The following SH2B2 variants were observed in gnomAD, a reference collection of about 807,000 sequenced individuals.
The protein encoded by SH2B2 is SH2B adapter protein 2.
SH2B2 carries 37 observed loss-of-function variants against 35.7 expected under a neutral mutation model. The ratio of observed to expected loss-of-function variants is 1.04; its 90% CI spans 0.80 to 1.36. The LOEUF is 1.36. SH2B2 is among the 40% of genes most tolerant of loss of function. The probability of loss-of-function intolerance (pLI) is 0.00; values close to 1 mark genes in which losing one functional copy is unlikely to be tolerated. For synonymous variants in SH2B2, 383 were observed against 376.4 expected (o/e 1.02, Z -0.20); for missense variants, 852 against 817.7 (o/e 1.04, Z -0.51).
intron 6 of SH2B2, among the ~76,000 whole-genome samples, chr7:102,315,392 G>A (rs541297933): frequency 1.2e-4 from 18 of 151,778 alleles, no homozygotes; most frequent in Admixed American, 2.6e-4. Flanking sequence ...GTGCAGTGGC[G>A]GATCACAACT....
intron 4 of SH2B2, among the ~76,000 whole-genome samples, chr7:102,310,511 G>A (rs1323099466): frequency 6.6e-6 from 1 of 152,094 alleles, no homozygotes; most frequent in Non-Finnish European, 1.5e-5. Flanking sequence ...AACAGGAAGA[G>A]CAGCAAGAAG....
At chr7:102,289,783 G>C (rs1586561551) in intron 1 of SH2B2, among the ~76,000 whole-genome samples, 1 of 152,084 alleles carries the variant, frequency 6.6e-6, no homozygotes, top group South Asian at 2.1e-4. Context: ...TATGACACTG[G>C]GGGAGTGGAA....
At chr7:102,292,306 G>A (rs561616182) in intron 1 of SH2B2, among the ~76,000 whole-genome samples, 7 of 152,212 alleles carry the variant, frequency 4.6e-5, no homozygotes, top group African/African-American at 7.2e-5. Flanking sequence ...TGAGGTGGGC[G>A]GATCACCTGA....
At chr7:102,290,364 A>G (rs1792631196) in intron 1 of SH2B2, among the ~76,000 whole-genome samples, 1 of 150,114 alleles carries the variant, frequency 6.7e-6, no homozygotes. Context: ...TCTGGGGTTC[A>G]AGCAATTCTC....
chr7:102,300,938 C>A lies in SH2B2; in HGVS notation c.388C>A (p.Arg130Ser), dbSNP rs782047374. The change falls in exon 2 of 9, where the codon CGC (arginine) becomes AGC (serine). Residue 130 changes from arginine (R) to serine (S), a missense_variant. By Grantham distance (110) the Arg-to-Ser change is moderately radical. Coordinates refer to ENST00000444095, the MANE Select transcript of SH2B2 (RefSeq NM_001359228.2). ...DVSTHAATKARVRKGFSLRNM... is the reference protein window; with the variant it reads ...DVSTHAATKASVRKGFSLRNM... The stretch of plus-strand genomic sequence containing the variant: ...GTCCACGCACGCGGCCACCAAGGCC[C>A]GCGTTCGCAAGGGCTTCTCGCTGCG... The A allele has an allele frequency of 2.7e-6, 4 of 1,487,586 alleles. No homozygotes were observed. Among genetic ancestry groups the A allele is most frequent in the Non-Finnish European group, 3.6e-6 (4 of 1,122,278 alleles). 92.1% of individuals were successfully genotyped at this position (1,487,586 alleles called of 1,614,324 possible).
chr7:102,290,608 G>C (rs373013148), intron 1 of SH2B2, among the ~76,000 whole-genome samples: 1 of 152,170 alleles, frequency 6.6e-6, no homozygotes, highest in Non-Finnish European at 1.5e-5. Context: ...CCCACCTGGC[G>C]TCTGACACAC....
chr7:102,292,401 C>T (rs547091718), intron 1 of SH2B2, among the ~76,000 whole-genome samples: 1 of 152,036 alleles, frequency 6.6e-6, no homozygotes, highest in Admixed American at 6.5e-5. Flanking sequence ...CTTGGTAGGA[C>T]GCACCTATAG....
chr7:102,320,239 G>C lies in SH2B2; in HGVS notation c.1396-92G>C. The C allele has an allele frequency of 2.7e-6, 3 of 1,094,772 alleles. No individual in the cohort carries two copies. In the South Asian group the frequency reaches 4.1e-5, roughly 15 times the overall value. The allele number at this position is 1,094,772 out of a possible 1,614,324, so 67.8% of individuals were successfully genotyped here. A position where few individuals can be genotyped will look rare whatever the true frequency, so the allele number is the denominator to read the frequency against. ...CCTGACACAGCCCCATACAGCCCCT[G>C]TGAGCCTTGGTCCTTCCATCAACCC... On this transcript the variant is annotated intron_variant, in intron 7 of 8. Transcript: ENST00000444095.
At chr7:102,311,122 G>A (rs1554555962) in intron 4 of SH2B2, among the ~76,000 whole-genome samples, 1 of 152,108 alleles carries the variant, frequency 6.6e-6, no homozygotes, top group Non-Finnish European at 1.5e-5. Flanking sequence ...GTAAGGTCTT[G>A]CTCTGTCACC....
At chr7:102,315,744 G>GAAGAAAAAAAAA (rs1793802959) in intron 6 of SH2B2, among the ~76,000 whole-genome samples, 1 of 90,584 alleles carries the variant, frequency 1.1e-5, no homozygotes, top group Non-Finnish European at 1.9e-5. Context: ...CCTGTGAAAA[G>GAAGAAAAAAAAA]AAAAAAAAAA....
At chr7:102,309,487 A>T in intron 4 of SH2B2, 1 of 311,678 alleles carries the variant, frequency 3.2e-6, no homozygotes. Context: ...CAGCCTCCTA[A>T]GTAGCTGTGA....
chr7:102,293,363 G>T (rs1405453910), intron 1 of SH2B2, among the ~76,000 whole-genome samples: 3 of 151,688 alleles, frequency 2.0e-5, no homozygotes, highest in Admixed American at 6.6e-5. Flanking sequence ...AGAGGCCGTG[G>T]CCTGGAAAGG....
intron 2 of SH2B2, among the ~76,000 whole-genome samples, chr7:102,302,963 G>C (rs1674368195): frequency 6.6e-6 from 1 of 152,182 alleles, no homozygotes; most frequent in Non-Finnish European, 1.5e-5. Context: ...GCCGAGCGCG[G>C]TGGCTCATGC....
chr7:102,304,775 C>T (rs1316423504), intron 2 of SH2B2, among the ~76,000 whole-genome samples: 2 of 152,372 alleles, frequency 1.3e-5, no homozygotes, highest in Non-Finnish European at 2.9e-5. Flanking sequence ...TCCCCAGCCC[C>T]GCTGGCCGGC....
At chr7:102,299,216 T>TTTTTG (rs1793051031) in intron 1 of SH2B2, among the ~76,000 whole-genome samples, 1 of 127,732 alleles carries the variant, frequency 7.8e-6, no homozygotes, top group African/African-American at 3.1e-5. Flanking sequence ...TTTTTTTTTT[T>TTTTTG]GAGGTGGAGT....
chr7:102,319,029 C>G (rs954181082), intron 7 of SH2B2, among the ~76,000 whole-genome samples: 5 of 152,120 alleles, frequency 3.3e-5, no homozygotes, highest in Non-Finnish European at 7.4e-5. Flanking sequence ...CCCAGCTGCT[C>G]TTCTCCCAGA....
chr7:102,296,916 C>CT (rs1221692897), intron 1 of SH2B2, among the ~76,000 whole-genome samples: 3 of 151,962 alleles, frequency 2.0e-5, no homozygotes, highest in African/African-American at 7.3e-5. Flanking sequence ...GAGTTGGAGG[C>CT]TGCAGTAAAC....
At chr7:102,287,936 C>T (rs1010626545) in intron 1 of SH2B2, among the ~76,000 whole-genome samples, 1 of 152,198 alleles carries the variant, frequency 6.6e-6, no homozygotes. Context: ...CCAGGATCTA[C>T]GTGCACTTCG....
chr7:102,313,948 C>T (rs1313278619), intron 4 of SH2B2, among the ~76,000 whole-genome samples: 1 of 151,978 alleles, frequency 6.6e-6, no homozygotes, highest in African/African-American at 2.4e-5. Flanking sequence ...TTTATGACTA[C>T]GTTTTGGGAA....
Sources: allele counts gnomAD v4.1 joint callset (sites outside exome capture counted in the v4.1 genomes callset), GRCh38; gene constraint gnomAD v4.1.1; transcripts MANE v1.5; gene names NCBI Gene and HGNC (gene_info 2026-07-23, HGNC 2026-07-21).